The following METTL8 variants were observed in gnomAD, a reference collection of about 807,000 sequenced individuals.
METTL8 encodes methyltransferase 8, tRNA N3-cytidine, also known as tRNA N(3)-cytidine methyltransferase METTL8, mitochondrial.
Under a neutral mutation model 48.7 loss-of-function variants are expected in METTL8, and 32 were observed. The ratio of observed to expected loss-of-function variants is 0.66; its 90% CI spans 0.50 to 0.88. METTL8 has a LOEUF of 0.88. METTL8 is among the 40% of genes least tolerant of loss of function. The probability of loss-of-function intolerance (pLI) is 0.00; values close to 1 mark genes in which losing one functional copy is unlikely to be tolerated. For missense variants in METTL8, 464 were observed against 474.4 expected, an observed-to-expected ratio of 0.98 and a Z score of 0.20; for synonymous variants, 136 against 157.1, an observed-to-expected ratio of 0.87 and a Z score of 1.01.
chr2:171,358,554 A>T (rs1684828345), intron 3 of METTL8, among the ~76,000 whole-genome samples: 1 of 152,152 alleles, frequency 6.6e-6, no homozygotes, highest in African/African-American at 2.4e-5. Flanking sequence ...AGTACATATG[A>T]TGGGGAAAGG....
At chr2:171,416,180 A>C (rs10195398) in intron 1 of METTL8, among the ~76,000 whole-genome samples, 16,102 of 152,226 alleles carry the variant, frequency 0.11, 992 homozygotes, top group African/African-American at 0.17. Flanking sequence ...CATCAGACAG[A>C]AAACACAGAT....
intron 3 of METTL8, among the ~76,000 whole-genome samples, chr2:171,353,481 G>C (rs554727453): frequency 2.6e-5 from 4 of 152,264 alleles, no homozygotes; most frequent in African/African-American, 7.2e-5. Context: ...ATGTCTATTA[G>C]GTCCACTTGC....
At chr2:171,372,450 T>G (rs1350722302) in intron 2 of METTL8, among the ~76,000 whole-genome samples, 2 of 152,096 alleles carry the variant, frequency 1.3e-5, no homozygotes, top group South Asian at 4.1e-4. Context: ...AAGGTGTATA[T>G]ACATGTAACA....
At chr2:171,326,699 C>T (rs1008472902) in intron 7 of METTL8, among the ~76,000 whole-genome samples, 4 of 150,500 alleles carry the variant, frequency 2.7e-5, no homozygotes, top group Non-Finnish European at 5.9e-5. Context: ...ATTCTATGTC[C>T]TCTTTAATTT....
Position 171,330,625 on chromosome 2 carries a change from GGGTAA to G in METTL8, c.789_793del (p.Tyr264PhefsTer21). ...GACATCCAGGATCCCATCTGGAAAA[GGGTAA>G]GGTAAGCCATCATCACATACATCAT... is the stretch of plus-strand genomic sequence containing the variant. On this transcript the variant is annotated frameshift_variant, in exon 7 of 10. Coordinates refer to ENST00000375258, the MANE Select transcript of METTL8 (RefSeq NM_001321154.2). LOFTEE classifies it high-confidence loss of function. The G allele has an allele frequency of 6.2e-7, 1 of 1,613,568 alleles. No homozygotes were observed. Among genetic ancestry groups the G allele is most frequent in the Non-Finnish European group, 8.5e-7 (1 of 1,179,576 alleles).
chr2:171,329,048 C>T (rs916250483), intron 7 of METTL8, among the ~76,000 whole-genome samples: 1 of 150,016 alleles, frequency 6.7e-6, no homozygotes, highest in African/African-American at 2.5e-5. Flanking sequence ...TGCAGTGGTG[C>T]AATCTCGGCA....
chr2:171,395,206 G>T (rs1688943321), intron 1 of METTL8, among the ~76,000 whole-genome samples: 1 of 152,180 alleles, frequency 6.6e-6, no homozygotes, highest in African/African-American at 2.4e-5. Context: ...AAAACTGTGT[G>T]AATAAGTAGT....
At chr2:171,353,412 T>C (rs1486991427) in intron 3 of METTL8, among the ~76,000 whole-genome samples, 1 of 152,184 alleles carries the variant, frequency 6.6e-6, no homozygotes, top group Non-Finnish European at 1.5e-5. Flanking sequence ...TTGGAATAAG[T>C]GTGATGTGGT....
At chr2:171,396,006 T>C (rs1689025207) in intron 1 of METTL8, among the ~76,000 whole-genome samples, 1 of 152,180 alleles carries the variant, frequency 6.6e-6, no homozygotes, top group Admixed American at 6.5e-5. Flanking sequence ...GCACAGTGGC[T>C]CATGCCTGTA....
intron 6 of METTL8, among the ~76,000 whole-genome samples, chr2:171,330,910 C>T (rs1685459992): frequency 6.6e-6 from 1 of 152,138 alleles, no homozygotes; most frequent in Admixed American, 6.5e-5. Context: ...TAACAAATAT[C>T]CTTCGCAATC....
chr2:171,324,140 C>T lies in METTL8; in HGVS notation c.*32G>A. Reference sequence around the variant, plus strand: ...ACAGTAGTCCTTGAATAGCACAGTCCTCTGGCTTTGTACCTTAACATGTTA... The same window carrying T: ...ACAGTAGTCCTTGAATAGCACAGTCTTCTGGCTTTGTACCTTAACATGTTA... On this transcript the variant is annotated 3_prime_UTR_variant, in exon 10 of 10. Transcript: ENST00000375258. 6.8e-7 allele frequency: 1 copy of T among 1,461,856 alleles called. No homozygotes were observed. Among genetic ancestry groups the T allele is most frequent in the Non-Finnish European group, 9.3e-7 (1 of 1,074,432 alleles). The allele number at this position is 1,461,856 out of a possible 1,614,324, so 90.6% of individuals were successfully genotyped here. A position where few individuals can be genotyped will look rare whatever the true frequency, so the allele number is the denominator to read the frequency against.
intron 1 of METTL8, among the ~76,000 whole-genome samples, chr2:171,417,274 T>G (rs981886537): frequency 2.6e-5 from 4 of 152,216 alleles, no homozygotes; most frequent in African/African-American, 9.6e-5. Flanking sequence ...TCGATGATTT[T>G]CCCCATGAAA....
chr2:171,325,862 T>C lies in METTL8; in HGVS notation c.1012A>G (p.Arg338Gly). ...ATACCTTTTGTAAAGAAATATGCTCTGGTACCATCTCCTCGAACATAAAAA... is the reference window on the plus strand; with the variant it reads ...ATACCTTTTGTAAAGAAATATGCTCCGGTACCATCTCCTCGAACATAAAAA... Reference protein sequence around the residue: ...ENFYVRGDGTRAYFFTKGEVH... With the variant: ...ENFYVRGDGTGAYFFTKGEVH... Residue 338 changes from arginine (R) to glycine (G), a missense_variant, in exon 9 of 10, where the codon AGA becomes GGA. Coordinates refer to ENST00000375258, the MANE Select transcript of METTL8 (RefSeq NM_001321154.2). The C allele has an allele frequency of 6.3e-7, 1 of 1,594,764 alleles. No individual in the cohort carries two copies. The highest frequency in any genetic ancestry group is 2.2e-5 in the East Asian group (1 of 44,730).
rs1304897551 is a variant in METTL8, at chr2:171,318,084, C to T, written c.*6088G>A. The T allele has an allele frequency of 6.6e-6, 1 of 152,202 alleles. No individual in the cohort carries two copies. Among genetic ancestry groups the T allele is most frequent in the Admixed American group, 6.5e-5 (1 of 15,276 alleles). The allele number at this position is 152,202 out of a possible 1,614,324, so 9.4% of individuals were successfully genotyped here. A position where few individuals can be genotyped will look rare whatever the true frequency, so the allele number is the denominator to read the frequency against. On this transcript the variant is annotated 3_prime_UTR_variant, in exon 10 of 10. Transcript: ENST00000375258. Reference sequence around the variant, plus strand: ...AACACCTCTTCCTTGTCATTTAAGACATATGTTAATGAAAGACAGATTTTG... The same window carrying T: ...AACACCTCTTCCTTGTCATTTAAGATATATGTTAATGAAAGACAGATTTTG...
intron 2 of METTL8, among the ~76,000 whole-genome samples, chr2:171,364,866 A>G (rs1247723482): frequency 6.6e-6 from 1 of 152,236 alleles, no homozygotes; most frequent in Non-Finnish European, 1.5e-5. Context: ...TGGCCTCACT[A>G]TAGGACACAA....
intron 1 of METTL8, among the ~76,000 whole-genome samples, chr2:171,432,022 A>C (rs558904499): frequency 6.6e-6 from 1 of 152,192 alleles, no homozygotes; most frequent in Non-Finnish European, 1.5e-5. Flanking sequence ...GCTGGATACC[A>C]CACAACTCTG....
chr2:171,355,846 A>G (rs1319290422), intron 3 of METTL8, among the ~76,000 whole-genome samples: 2 of 151,982 alleles, frequency 1.3e-5, no homozygotes, highest in East Asian at 1.9e-4. Flanking sequence ...GAGTGACCTG[A>G]TTTTCCAGGT....
chr2:171,335,359 G>A (rs1412899421), intron 5 of METTL8, among the ~76,000 whole-genome samples: 1 of 152,130 alleles, frequency 6.6e-6, no homozygotes, highest in South Asian at 2.1e-4. Flanking sequence ...ATTGGTAATT[G>A]TTGAATTGAG....
At chr2:171,355,413 G>A (rs1433051985) in intron 3 of METTL8, among the ~76,000 whole-genome samples, 2 of 152,200 alleles carry the variant, frequency 1.3e-5, no homozygotes, top group East Asian at 1.9e-4. Context: ...CTACTTGGGG[G>A]TCAGGGACTC....
Sources: gnomAD v4.1 joint callset for allele counts (sites outside exome capture counted in the v4.1 genomes callset) on GRCh38, gnomAD v4.1.1 for gene constraint, MANE v1.5 for transcripts, NCBI Gene and HGNC (gene_info 2026-07-23, HGNC 2026-07-21) for gene names.